ALPG: variants seen among roughly 807,000 people sequenced by gnomAD.
The protein encoded by ALPG is alkaline phosphatase, germ cell type.
In ALPG, 32 loss-of-function variants were observed where a neutral mutation model predicts 48.6. That is an observed-to-expected ratio of 0.66 (90% CI 0.50 to 0.88). The LOEUF (loss-of-function observed/expected upper bound fraction) is 0.88. ALPG is among the 40% of genes least tolerant of loss of function. The pLI is 0.00. For synonymous variants in ALPG, 244 were observed against 308.9 expected, an observed-to-expected ratio of 0.79 and a Z score of 2.20; for missense variants, 533 against 718.1, an observed-to-expected ratio of 0.74 and a Z score of 2.95.
chr2:232,407,721 C>G lies in ALPG; in HGVS notation c.428C>G (p.Thr143Arg). 2 of 1,613,754 alleles carry G rather than the reference C, an allele frequency of 1.2e-6. No individual in the cohort carries two copies. Among genetic ancestry groups the G allele is most frequent in the Non-Finnish European group, 1.7e-6 (2 of 1,179,984 alleles). Residue 143 changes from threonine (T) to arginine (R), a missense_variant, in exon 4 of 11, where the codon ACA becomes AGA. Thr to Arg is a moderately conservative substitution (Grantham distance 71). This residue lies in a region of ALPG where 315 missense variants were observed against 305.8 expected (regional missense o/e 1.03). Transcript: ENST00000295453. ...AAARFNQCNT[T>R]RGNEVISVMN... ...GCCCGCTTTAACCAGTGCAACACGA[C>G]ACGCGGCAACGAGGTCATCTCCGTG...
In ALPG at chr2:232,408,285, C is replaced by G. The variant is rs369419190; in HGVS notation, c.667C>G (p.Arg223Gly). 8.1e-6 allele frequency: 13 copies of G among 1,613,634 alleles called. No homozygotes were observed. The highest frequency in any genetic ancestry group is 2.2e-5 in the East Asian group (1 of 44,862). Reference sequence around the variant, plus strand: ...TTCCCAGGTGATCCTAGGTGGAGGCCGAAAGTACATGTTTCCCATGGGGAC... The same window carrying G: ...TTCCCAGGTGATCCTAGGTGGAGGCGGAAAGTACATGTTTCCCATGGGGAC... ...MDIDVILGGGRKYMFPMGTPD... is the reference protein window; with the variant it reads ...MDIDVILGGGGKYMFPMGTPD... The change falls in exon 6 of 11, where the codon CGA becomes GGA. Residue 223 changes from arginine to glycine, a missense_variant. This residue lies in a region of ALPG where 315 missense variants were observed against 305.8 expected (regional missense o/e 1.03). Coordinates refer to ENST00000295453, the MANE Select transcript of ALPG (RefSeq NM_031313.3).
rs112001063 is a variant in ALPG at position 232,407,518 on chromosome 2, T to C, written c.301-76T>C. On this transcript the variant is annotated intron_variant, in intron 3 of 10. Transcript: ENST00000295453. The stretch of plus-strand genomic sequence containing the variant: ...GGCTCCAATAAGGAGCTGGAGGCAG[T>C]TGGAATCCCAGAGGACAGAGATCAG... 6.9e-6 allele frequency: 11 copies of C among 1,600,030 alleles called. 2 individuals are homozygous for C. In the African/African-American group the frequency reaches 1.2e-4, roughly 18 times the overall value.
At chr2:232,409,552 T>C (rs759950732) in intron 10 of ALPG, 22 bp from the exon 11 acceptor site, 21 of 1,610,384 alleles carry the variant, frequency 1.3e-5, no homozygotes, top group Admixed American at 8.4e-5. Flanking sequence ...AACTTCCTAC[T>C]GAAACTGAAC....
At position 232,407,738 on chromosome 2, in the gene ALPG, A is replaced by G. The variant is rs1697115961; in HGVS notation, c.445A>G (p.Ile149Val). ...CAACACGACACGCGGCAACGAGGTC[A>G]TCTCCGTGATGAATCGGGCCAAGAA... The part of the protein sequence containing the change: ...QCNTTRGNEV[I>V]SVMNRAKKAG... The change falls in exon 4 of 11, where the codon ATC (isoleucine) becomes GTC (valine). Residue 149 changes from isoleucine to valine, a missense_variant. By Grantham distance (29) the Ile-to-Val change is conservative (BLOSUM62 3). This residue lies in a region of ALPG where 315 missense variants were observed against 305.8 expected (regional missense o/e 1.03). Transcript: ENST00000295453. 5 of 1,613,810 alleles carry G rather than the reference A, an allele frequency of 3.1e-6. No individual in the cohort carries two copies. The highest frequency in any genetic ancestry group is 4.2e-6 in the Non-Finnish European group (5 of 1,179,996).
intron 5 of ALPG, 61 bp from the exon 6 acceptor site, chr2:232,408,206 G>A: frequency 2.5e-6 from 4 of 1,604,380 alleles, no homozygotes; most frequent in Non-Finnish European, 3.4e-6. Context: ...GGCTGTGCAT[G>A]AGGAGGGGAC....
At position 232,407,986 on chromosome 2, in the gene ALPG, C is replaced by G; in HGVS notation, c.617C>G (p.Ala206Gly). 6.2e-7 allele frequency: 1 copy of G among 1,612,644 alleles called. No homozygotes were observed. Among genetic ancestry groups the G allele is most frequent in the Non-Finnish European group, 8.5e-7 (1 of 1,179,702 alleles). The change falls in exon 5 of 11, where the codon GCC becomes GGC. Residue 206 changes from alanine to glycine, a missense_variant. Around this residue, in one of 6 missense-constraint regions of ALPG, gnomAD observed 315 missense variants for 305.8 expected, o/e 1.03. Coordinates refer to ENST00000295453, the MANE Select transcript of ALPG (RefSeq NM_031313.3). ...CGCCAGGAGGGGTGCCAGGACATCG[C>G]CACGCAGCTCATCTCCAACATGGAC... ...SARQEGCQDIATQLISNMDID... is the reference protein window; with the variant it reads ...SARQEGCQDIGTQLISNMDID...
chr2:232,407,374 C>T lies in ALPG; in HGVS notation c.273C>T (p.Asp91=), dbSNP rs1357021742. 6.2e-7 allele frequency: 1 copy of T among 1,613,890 alleles called. No homozygotes were observed. The highest frequency in any genetic ancestry group is 2.2e-5 in the East Asian group (1 of 44,886). Residue 91 remains aspartate (D), a synonymous_variant, in exon 3 of 11, where the codon GAC becomes GAT. Transcript: ENST00000295453. ...KLGPETFLAM[D]RFPYVALSKT... is the part of the protein sequence containing the mutation. ...GGCCTGAGACCTTCCTGGCCATGGA[C>T]CGCTTCCCGTACGTGGCTCTGTCCA... is the stretch of plus-strand genomic sequence containing the variant.
chr2:232,408,275 A>G lies in ALPG; in HGVS notation c.657A>G (p.Leu219=), dbSNP rs769836426. The stretch of plus-strand genomic sequence containing the variant: ...CCATCCTCTGTTCCCAGGTGATCCT[A>G]GGTGGAGGCCGAAAGTACATGTTTC... The part of the protein sequence containing the change: ...LISNMDIDVI[L]GGGRKYMFPM... Residue 219 remains leucine, a synonymous_variant, in exon 6 of 11, where the codon CTA becomes CTG. Transcript: ENST00000295453. 6.2e-7 allele frequency: 1 copy of G among 1,613,682 alleles called. No individual in the cohort carries two copies. Among genetic ancestry groups the G allele is most frequent in the South Asian group, 1.1e-5 (1 of 90,938 alleles).
chr2:232,408,553 C>A lies in ALPG; in HGVS notation c.836C>A (p.Pro279Gln), dbSNP rs191578275. 6.4e-7 allele frequency: 1 copy of A among 1,555,874 alleles called. No homozygotes were observed. Among genetic ancestry groups the A allele is most frequent in the South Asian group, 1.1e-5 (1 of 89,080 alleles). The change falls in exon 7 of 11, where the codon CCG becomes CAG. Residue 279 changes from proline to glutamine, a missense_variant. By Grantham distance (76) the Pro-to-Gln change is moderately conservative. Around this residue, in one of 6 missense-constraint regions of ALPG, gnomAD observed 40 missense variants for 74.5 expected, o/e 0.54. Transcript: ENST00000295453. ...RTELLQASLDPSVTHLMGLFE... is the reference protein window; with the variant it reads ...RTELLQASLDQSVTHLMGLFE... ...GAGCTCCTGCAGGCTTCCCTGGACCCGTCTGTGACCCATCTCATGGGTAAT... is the reference window on the plus strand; with the variant it reads ...GAGCTCCTGCAGGCTTCCCTGGACCAGTCTGTGACCCATCTCATGGGTAAT...
At chr2:232,408,098 G>T (rs1031802152) in intron 5 of ALPG, 81 bp downstream of exon 5, 5 of 1,567,934 alleles carry the variant, frequency 3.2e-6, no homozygotes, top group Non-Finnish European at 4.3e-6. Flanking sequence ...GCAACCAAAA[G>T]CCTTATCTGG....
chr2:232,407,081 G>A lies in ALPG; in HGVS notation c.92G>A (p.Trp31Ter). 1 of 1,613,840 alleles carries A rather than the reference G, an allele frequency of 6.2e-7. No homozygotes were observed. Among genetic ancestry groups the A allele is most frequent in the African/African-American group, 1.3e-5 (1 of 74,994 alleles). ...IPVEEENPDF[W>*]NRQAAEALGA... ...GTTGAGGAGGAGAACCCGGACTTCT[G>A]GAACCGCCAGGCAGCCGAGGCCCTG... The change falls in exon 2 of 11, where the codon TGG becomes TAG. Residue 31 changes from tryptophan (W) to a stop codon, truncating the protein, a stop_gained. Coordinates refer to ENST00000295453, the MANE Select transcript of ALPG (RefSeq NM_031313.3). LOFTEE classifies it high-confidence loss of function.
At position 232,409,406 on chromosome 2, in the gene ALPG, C is replaced by G; in HGVS notation, c.1258C>G (p.Leu420Val). The G allele has an allele frequency of 3.2e-6, 5 of 1,567,214 alleles. No individual in the cohort carries two copies. Among genetic ancestry groups the G allele is most frequent in the Non-Finnish European group, 4.4e-6 (5 of 1,148,828 alleles). Residue 420 changes from leucine (L) to valine (V), a missense_variant, in exon 10 of 11, where the codon CTC (leucine) becomes GTC (valine). Transcript: ENST00000295453. ...ATACGGAAACGGTCCAGGCTATGTG[C>G]TCAAGGACGGCGCCCGGCCGGATGT... ...LLYGNGPGYVLKDGARPDVTE... is the reference protein window; with the variant it reads ...LLYGNGPGYVVKDGARPDVTE...
chr2:232,409,908 G>A lies in ALPG; in HGVS notation c.*36G>A. 3 of 1,510,918 alleles carry A rather than the reference G, an allele frequency of 2.0e-6. No individual in the cohort carries two copies. Among genetic ancestry groups the A allele is most frequent in the Admixed American group, 2.2e-5 (1 of 46,300 alleles). The allele number at this position is 1,510,918 out of a possible 1,614,324, so 93.6% of individuals were successfully genotyped here. A position where few individuals can be genotyped will look rare whatever the true frequency, so the allele number is the denominator to read the frequency against. On this transcript the variant is annotated 3_prime_UTR_variant, in exon 11 of 11. Coordinates refer to ENST00000295453, the MANE Select transcript of ALPG (RefSeq NM_031313.3). ...CCTGGGGCTCCTGCTTCCCCATCCCGGAGTTCCCCTGCTCCCCACCTCCAG... is the reference window on the plus strand; with the variant it reads ...CCTGGGGCTCCTGCTTCCCCATCCCAGAGTTCCCCTGCTCCCCACCTCCAG...
chr2:232,407,392 T>C lies in ALPG; in HGVS notation c.291T>C (p.Ala97=). ...CCATGGACCGCTTCCCGTACGTGGC[T>C]CTGTCCAAGGTAAGTGCTGGGCTAC... ...FLAMDRFPYV[A]LSKTYSVDKH... Residue 97 remains alanine (A), a synonymous_variant, in exon 3 of 11, where the codon GCT becomes GCC. Coordinates refer to ENST00000295453, the MANE Select transcript of ALPG (RefSeq NM_031313.3). The C allele has an allele frequency of 6.2e-7, 1 of 1,613,734 alleles. No homozygotes were observed. Among genetic ancestry groups the C allele is most frequent in the Middle Eastern group, 1.7e-4 (1 of 6,060 alleles).
Position 232,406,925 on chromosome 2 carries a change from G to C in ALPG, c.31G>C (p.Gly11Arg), listed in dbSNP as rs543783627. ...GGGGCCCTGGGTGCTGCTCCTGCTG[G>C]GCCTGAGGCTACAGCTCTCCCTGGG... MQGPWVLLLL[G>R]LRLQLSLGII... Residue 11 changes from glycine to arginine, a missense_variant, in exon 1 of 11, where the codon GGC becomes CGC. Physicochemically the swap from Gly to Arg is moderately radical, Grantham distance 125. Transcript: ENST00000295453. 5 of 1,612,598 alleles carry C rather than the reference G, an allele frequency of 3.1e-6. No individual in the cohort carries two copies. In the South Asian group the frequency reaches 5.5e-5, roughly 18 times the overall value.
intron 7 of ALPG, 28 bp downstream of exon 7, chr2:232,408,601 C>A (rs778466070): frequency 6.5e-6 from 10 of 1,539,762 alleles, no homozygotes; most frequent in Non-Finnish European, 8.9e-6. Context: ...GCCCTGGCAT[C>A]CCTCAGATGG....
chr2:232,407,330 CAGA>C lies in ALPG; in HGVS notation c.235_237del (p.Lys79del), dbSNP rs763554171. On this transcript the variant is annotated inframe_deletion, in exon 3 of 11. Transcript: ENST00000295453. ...GACAGCTGCCAGGATCCTAAAAGGG[CAGA>C]AGAAGGACAAACTGGGGCCTGAGAC... 9 of 1,613,760 alleles carry C rather than the reference CAGA, an allele frequency of 5.6e-6. No homozygotes were observed. Among genetic ancestry groups the C allele is most frequent in the East Asian group, 4.5e-5 (2 of 44,890 alleles).
chr2:232,406,909 G>A lies in ALPG; in HGVS notation c.15G>A (p.Trp5Ter). The A allele has an allele frequency of 1.2e-6, 2 of 1,612,502 alleles. No homozygotes were observed. The highest frequency in any genetic ancestry group is 1.7e-6 in the Non-Finnish European group (2 of 1,179,748). ...TGCTTCCAGACATGCAGGGGCCCTG[G>A]GTGCTGCTCCTGCTGGGCCTGAGGC... MQGP[W>*]VLLLLGLRLQ... The change falls in exon 1 of 11, where the codon TGG becomes TGA. Residue 5 changes from tryptophan (W) to a stop codon, truncating the protein, a stop_gained. Coordinates refer to ENST00000295453, the MANE Select transcript of ALPG (RefSeq NM_031313.3). LOFTEE classifies it high-confidence loss of function.
Position 232,409,976 on chromosome 2 carries a change from C to T in ALPG, c.*104C>T, listed in dbSNP as rs1221490063. 2.2e-5 allele frequency: 31 copies of T among 1,436,452 alleles called. No homozygotes were observed. The highest frequency in any genetic ancestry group is 2.6e-5 in the Non-Finnish European group (29 of 1,095,352). The allele number at this position is 1,436,452 out of a possible 1,614,324, so 89.0% of individuals were successfully genotyped here. A position where few individuals can be genotyped will look rare whatever the true frequency, so the allele number is the denominator to read the frequency against. ...CACCTGGAGCTGTCACCCCCGGAGT[C>T]GCCACACAGACGTCCTGCCATGGAA... is the stretch of plus-strand genomic sequence containing the variant. On this transcript the variant is annotated 3_prime_UTR_variant, in exon 11 of 11. Transcript: ENST00000295453.
Sources: allele counts gnomAD v4.1 joint callset, GRCh38; gene constraint gnomAD v4.1.1; regional missense constraint gnomAD v4.1.1; transcripts MANE v1.5; gene names NCBI Gene and HGNC (gene_info 2026-07-23, HGNC 2026-07-21).